The following NTN1 variants were observed in gnomAD, a reference collection of about 807,000 sequenced individuals.
The protein encoded by NTN1 is netrin 1.
Under a neutral mutation model 54.2 loss-of-function variants are expected in NTN1, and 11 were observed. The observed-to-expected ratio is 0.20, with a 90% CI of 0.13 to 0.34. NTN1 has a LOEUF of 0.34. Among genes scored for constraint, NTN1 ranks in the 10% least tolerant of loss-of-function variants. NTN1 has a pLI of 1.00. For missense variants in NTN1, 740 were observed against 893.1 expected (o/e 0.83, Z 2.18); for synonymous variants, 371 against 382.0 (o/e 0.97, Z 0.33).
intron 2 of NTN1, among the ~76,000 whole-genome samples, chr17:9,051,809 T>G (rs1301461849): frequency 6.6e-6 from 1 of 152,134 alleles, no homozygotes; most frequent in Non-Finnish European, 1.5e-5. Context: ...AACTGAGAGG[T>G]GATTTTGTAC....
chr17:9,200,123 C>T (rs1193557681), intron 5 of NTN1, among the ~76,000 whole-genome samples: 3 of 152,266 alleles, frequency 2.0e-5, no homozygotes, highest in Non-Finnish European at 2.9e-5. Flanking sequence ...CTTTCATGAC[C>T]TTCCCAGGGA....
chr17:9,115,678 C>A (rs1025949205), intron 2 of NTN1, among the ~76,000 whole-genome samples: 2 of 152,262 alleles, frequency 1.3e-5, no homozygotes, highest in Non-Finnish European at 2.9e-5. Flanking sequence ...ATCCTTCCCC[C>A]CCGGGGCGGG....
At chr17:9,095,156 T>G (rs1407430647) in intron 2 of NTN1, among the ~76,000 whole-genome samples, 1 of 152,240 alleles carries the variant, frequency 6.6e-6, no homozygotes, top group Admixed American at 6.5e-5. Context: ...GAATATTTTG[T>G]TACTTATTTG....
intron 2 of NTN1, among the ~76,000 whole-genome samples, chr17:9,050,443 G>A (rs1207835270): frequency 6.6e-6 from 1 of 151,628 alleles, no homozygotes; most frequent in Non-Finnish European, 1.5e-5. Context: ...GCTGAAGTGG[G>A]CGGATCACTT....
At chr17:9,152,593 T>C (rs971238507) in intron 2 of NTN1, among the ~76,000 whole-genome samples, 7 of 152,184 alleles carry the variant, frequency 4.6e-5, no homozygotes, top group African/African-American at 9.7e-5. Context: ...GCCCTGTCAC[T>C]GGCTTCCACC....
chr17:9,177,095 C>A (rs1369780750), intron 3 of NTN1: 2 of 152,448 alleles, frequency 1.3e-5, no homozygotes, highest in Non-Finnish European at 2.9e-5. Flanking sequence ...CACAAGTCAG[C>A]CCGCTGCCTC....
chr17:9,107,102 G>C (rs1248120129), intron 2 of NTN1, among the ~76,000 whole-genome samples: 1 of 152,176 alleles, frequency 6.6e-6, no homozygotes, highest in African/African-American at 2.4e-5. Flanking sequence ...TACACTTGGG[G>C]TATTAGGTAA....
chr17:9,105,659 T>TC (rs1491107978), intron 2 of NTN1, among the ~76,000 whole-genome samples: 61 of 140,070 alleles, frequency 4.4e-4, no homozygotes, highest in African/African-American at 1.4e-3. Context: ...TCTCTCTCTC[T>TC]TTCTCTCTCT....
intron 2 of NTN1, among the ~76,000 whole-genome samples, chr17:9,092,118 G>A (rs2092113009): frequency 1.3e-5 from 2 of 151,820 alleles, no homozygotes; most frequent in South Asian, 2.1e-4. Context: ...TCAAACTCCC[G>A]ACCTCAAGTG....
intron 2 of NTN1, among the ~76,000 whole-genome samples, chr17:9,073,307 A>G (rs2092038779): frequency 6.6e-6 from 1 of 152,212 alleles, no homozygotes; most frequent in South Asian, 2.1e-4. Flanking sequence ...GGTGATTCAG[A>G]GAGTTGAACC....
intron 2 of NTN1, among the ~76,000 whole-genome samples, chr17:9,145,670 A>G (rs2092311117): frequency 6.6e-6 from 1 of 152,102 alleles, no homozygotes; most frequent in Non-Finnish European, 1.5e-5. Context: ...TAATCCCAGC[A>G]CTTTGGGAGG....
chr17:9,155,963 G>T (rs1472171090), intron 2 of NTN1, among the ~76,000 whole-genome samples: 4 of 152,146 alleles, frequency 2.6e-5, no homozygotes, highest in Non-Finnish European at 5.9e-5. Context: ...TGAGAACACT[G>T]CCCCCTCTCC....
chr17:9,080,772 C>T (rs1419456100), intron 2 of NTN1, among the ~76,000 whole-genome samples: 1 of 152,156 alleles, frequency 6.6e-6, no homozygotes, highest in Non-Finnish European at 1.5e-5. Context: ...ATCAGTCATG[C>T]CTGTGTAATG....
intron 5 of NTN1, among the ~76,000 whole-genome samples, chr17:9,204,927 C>CGT (rs1278818198): frequency 3.6e-5 from 4 of 110,286 alleles, no homozygotes; most frequent in African/African-American, 1.6e-4. Flanking sequence ...TGTCAACCCT[C>CGT]ATTTTTTTTT....
chr17:9,182,834 G>A (rs2142319702), intron 4 of NTN1, 82 bp from the exon 5 acceptor site: 1 of 1,394,384 alleles, frequency 7.2e-7, no homozygotes, highest in East Asian at 2.3e-5. Flanking sequence ...AGTCTGTGCT[G>A]GGCTCATTCT....
chr17:9,219,827 G>A lies in NTN1; in HGVS notation c.1412-1341G>A, dbSNP rs546608580. On this transcript the variant is annotated intron_variant, in intron 5 of 6. Transcript: ENST00000173229. This position sits in a 1 kb window ranked among gnomAD's most constrained non-coding sequence, Gnocchi z 4.5. ...CCACCTGCCCCTGGAGCAGCCGCCC[G>A]TGTGTGTGCACGTGTGTGTGCACGT... Among the ~76,000 whole-genome samples the A allele has an allele frequency of 2.4e-4, 37 of 151,872 alleles. No individual in the cohort carries two copies. Among genetic ancestry groups the A allele is most frequent in the Admixed American group, 1.9e-3 (29 of 15,290 alleles).
chr17:9,143,399 C>A (rs2142282079), intron 2 of NTN1, among the ~76,000 whole-genome samples: 1 of 152,282 alleles, frequency 6.6e-6, no homozygotes, highest in East Asian at 1.9e-4. Context: ...GCTATCTCAG[C>A]CGTTTTATTT....
intron 6 of NTN1, among the ~76,000 whole-genome samples, chr17:9,228,820 CTG>C (rs10641432): frequency 0.024 from 3,393 of 141,294 alleles, 67 homozygotes; most frequent in Middle Eastern, 0.031. Context: ...ATCTGTTCAG[CTG>C]TGTGTGTGTG....
At chr17:9,093,426 G>A (rs866661302) in intron 2 of NTN1, among the ~76,000 whole-genome samples, 6 of 152,208 alleles carry the variant, frequency 3.9e-5, no homozygotes, top group East Asian at 1.9e-4. Flanking sequence ...GCAGTGGCAC[G>A]ATCACAGTTC....
Sources: gnomAD v4.1 joint callset for allele counts (sites outside exome capture counted in the v4.1 genomes callset) on GRCh38, gnomAD v4.1.1 for gene constraint, Gnocchi (gnomAD v3.1) non-coding constraint, MANE v1.5 for transcripts, NCBI Gene and HGNC (gene_info 2026-07-23, HGNC 2026-07-21) for gene names.